AK7: variants seen among roughly 807,000 people sequenced by gnomAD.
AK7 encodes adenylate kinase 7.
In AK7, 78 loss-of-function variants were observed where a neutral mutation model predicts 96.6. The ratio of observed to expected loss-of-function variants is 0.81; its 90% CI spans 0.67 to 0.97. AK7 has a LOEUF of 0.97. Ranked by LOEUF, AK7 falls within the 50% of genes least tolerant of loss-of-function variation. The pLI, the probability that AK7 is intolerant of heterozygous loss-of-function variation, is 0.00. For missense variants in AK7, 855 were observed against 887.9 expected (o/e 0.96, Z 0.47); for synonymous variants, 302 against 317.2 (o/e 0.95, Z 0.51).
intron 13 of AK7, 31 bp downstream of exon 13, chr14:96,471,637 A>G (rs759872892): frequency 2.3e-5 from 33 of 1,454,974 alleles, no homozygotes; most frequent in Admixed American, 7.5e-5. Flanking sequence ...TTGAGTATTT[A>G]TATTCAGATA....
chr14:96,449,921 C>T (rs367789119), intron 9 of AK7, 42 bp downstream of exon 9: 54 of 1,352,244 alleles, frequency 4.0e-5, no homozygotes, highest in Non-Finnish European at 5.0e-5. Flanking sequence ...CTATCTTTCT[C>T]AATAATATGG....
At position 96,488,365 on chromosome 14, in the gene AK7, T is replaced by C; in HGVS notation, c.*22T>C. 6.2e-7 allele frequency: 1 copy of C among 1,607,126 alleles called. No homozygotes were observed. Among genetic ancestry groups the C allele is most frequent in the Non-Finnish European group, 8.5e-7 (1 of 1,174,314 alleles). ...GTGAAACTTGAAAGATCTGGTATTA[T>C]CTACCTTTACAGAACCACAGATCAC... On this transcript the variant is annotated 3_prime_UTR_variant, in exon 18 of 18. Transcript: ENST00000267584.
At chr14:96,450,768 CTTTTTTTTTTT>C (rs937558741) in intron 9 of AK7, among the ~76,000 whole-genome samples, 6 of 93,178 alleles carry the variant, frequency 6.4e-5, no homozygotes, top group African/African-American at 1.4e-4. Context: ...ATATTTTTCT[CTTTTTTTTTTT>C]TTTTTTTTTT....
intron 14 of AK7, among the ~76,000 whole-genome samples, chr14:96,473,687 A>T (rs551558171): frequency 6.6e-6 from 1 of 152,302 alleles, no homozygotes; most frequent in African/African-American, 2.4e-5. Context: ...TGCTGAAATG[A>T]ATAGAAATCC....
chr14:96,441,547 G>A (rs751604610), intron 6 of AK7, among the ~76,000 whole-genome samples: 4 of 146,272 alleles, frequency 2.7e-5, no homozygotes, highest in Non-Finnish European at 5.9e-5. Context: ...GCTGAGGCAG[G>A]AGAATCACTT....
chr14:96,434,456 C>G (rs879803248), intron 5 of AK7, among the ~76,000 whole-genome samples: 6 of 141,068 alleles, frequency 4.3e-5, no homozygotes, highest in Non-Finnish European at 7.7e-5. Context: ...CTCTCTCTCT[C>G]TGTTCTAAGC....
intron 14 of AK7, among the ~76,000 whole-genome samples, chr14:96,475,024 C>T (rs1320395274): frequency 2.6e-5 from 4 of 152,232 alleles, no homozygotes; most frequent in Non-Finnish European, 4.4e-5. Context: ...ATTAATGAAA[C>T]CTGCCTGTGA....
chr14:96,458,101 A>G lies in AK7; in HGVS notation c.1246A>G (p.Asn416Asp). The change falls in exon 12 of 18, where the codon AAC becomes GAC. Residue 416 changes from asparagine (N) to aspartate (D), a missense_variant. By Grantham distance (23) the Asn-to-Asp change is conservative (BLOSUM62 1). Coordinates refer to ENST00000267584, the MANE Select transcript of AK7 (RefSeq NM_152327.5). ...TATGCAGGAGGCGATTGTTGCCCCT[A>G]ACGATGTAGGGGAAGGAGAAGAAGA... ...IAKLEAIVAPNDVGEGEEEVE... is the reference protein window; with the variant it reads ...IAKLEAIVAPDDVGEGEEEVE... 1 of 1,613,594 alleles carries G rather than the reference A, an allele frequency of 6.2e-7. No individual in the cohort carries two copies. The highest frequency in any genetic ancestry group is 8.5e-7 in the Non-Finnish European group (1 of 1,179,796).
chr14:96,427,663 A>G (rs2140058897), intron 5 of AK7, among the ~76,000 whole-genome samples: 1 of 152,288 alleles, frequency 6.6e-6, no homozygotes, highest in Non-Finnish European at 1.5e-5. Flanking sequence ...ATCTTTCTCT[A>G]GATTTGAGAA....
intron 4 of AK7, among the ~76,000 whole-genome samples, chr14:96,412,313 C>T (rs1389138957): frequency 4.0e-5 from 6 of 151,180 alleles, no homozygotes; most frequent in Admixed American, 2.0e-4. Context: ...CTGCAACCTC[C>T]GCCTCCCAGG....
chr14:96,418,338 G>T (rs200159787), intron 4 of AK7, among the ~76,000 whole-genome samples: 6 of 25,642 alleles, frequency 2.3e-4, no homozygotes, highest in Admixed American at 3.7e-4. Flanking sequence ...AAAAAAAAAA[G>T]GCTTCAAATC....
intron 4 of AK7, among the ~76,000 whole-genome samples, chr14:96,415,014 C>T (rs546645641): frequency 7.2e-5 from 11 of 152,084 alleles, no homozygotes; most frequent in African/African-American, 2.7e-4. Flanking sequence ...CTTGGCCTCC[C>T]AAAGTACTGG....
intron 4 of AK7, among the ~76,000 whole-genome samples, chr14:96,413,458 G>A (rs1023923383): frequency 9.2e-5 from 14 of 152,118 alleles, no homozygotes; most frequent in African/African-American, 2.9e-4. Flanking sequence ...AGCTCCCTTC[G>A]GCAGAGTTGC....
rs563147318 is a variant in AK7 at position 96,447,038 on chromosome 14, C to T, written c.870+431C>T. On this transcript the variant is annotated intron_variant, in intron 8 of 17. Coordinates refer to ENST00000267584, the MANE Select transcript of AK7 (RefSeq NM_152327.5). Reference sequence around the variant, plus strand: ...AACTGGGACTCCTAAGAAGAATATCCGTAAAACCCAAACTCACTATCTGCA... The same window carrying T: ...AACTGGGACTCCTAAGAAGAATATCTGTAAAACCCAAACTCACTATCTGCA... Among the ~76,000 whole-genome samples, 429 of 152,268 alleles carry T rather than the reference C, an allele frequency of 2.8e-3. 1 individual carries two copies. The highest frequency in any genetic ancestry group is 5.0e-3 in the Non-Finnish European group (343 of 68,026).
intron 12 of AK7, among the ~76,000 whole-genome samples, chr14:96,461,963 G>A (rs974073215): frequency 1.2e-4 from 18 of 152,328 alleles, no homozygotes; most frequent in East Asian, 7.7e-4. Flanking sequence ...TAACCTAACA[G>A]TTAAGTACCA....
intron 13 of AK7, 48 bp downstream of exon 13, chr14:96,471,654 A>G (rs199601204): frequency 7.1e-7 from 1 of 1,405,292 alleles, no homozygotes; most frequent in East Asian, 2.6e-5. Context: ...GATAAGTTGC[A>G]ACTTTATTGT....
chr14:96,470,320 A>T (rs973582421), intron 12 of AK7, among the ~76,000 whole-genome samples: 4 of 152,196 alleles, frequency 2.6e-5, no homozygotes, highest in African/African-American at 4.8e-5. Context: ...AGATTCACTG[A>T]TAAGGTAAAG....
At chr14:96,477,930 C>G (rs1366416570) in intron 14 of AK7, among the ~76,000 whole-genome samples, 1 of 152,150 alleles carries the variant, frequency 6.6e-6, no homozygotes, top group Non-Finnish European at 1.5e-5. Context: ...TCCCTGCCAG[C>G]ACTTTGGGAG....
chr14:96,465,954 G>A (rs1440409645), intron 12 of AK7, among the ~76,000 whole-genome samples: 4 of 147,034 alleles, frequency 2.7e-5, no homozygotes, highest in African/African-American at 1.0e-4. Flanking sequence ...AGGTTGCAAT[G>A]AGCCAAGATC....
Sources: allele counts gnomAD v4.1 joint callset (sites outside exome capture counted in the v4.1 genomes callset), GRCh38; gene constraint gnomAD v4.1.1; transcripts MANE v1.5; gene names NCBI Gene and HGNC (gene_info 2026-07-23, HGNC 2026-07-21).